The following TRMT9B variants were observed in gnomAD, a reference collection of about 807,000 sequenced individuals.
The protein encoded by TRMT9B is tRNA methyltransferase 9B (putative), also known as probable tRNA methyltransferase 9B.
A neutral mutation model predicts 11.5 loss-of-function variants in TRMT9B; 16 were observed. That is an observed-to-expected ratio of 1.39 (90% CI 0.94 to 2.11). The LOEUF is 2.11. Among genes scored for constraint, TRMT9B ranks in the 30% most tolerant of loss-of-function variants. The probability of loss-of-function intolerance (pLI) is 0.00; values close to 1 mark genes in which losing one functional copy is unlikely to be tolerated. For missense variants in TRMT9B, 941 were observed against 553.8 expected (o/e 1.70, Z -7.02); for synonymous variants, 274 against 192.4 (o/e 1.42, Z -3.51).
chr8:12,973,172 C>T (rs533136268), intron 1 of TRMT9B, among the ~76,000 whole-genome samples: 1 of 152,276 alleles, frequency 6.6e-6, no homozygotes, highest in East Asian at 1.9e-4. Flanking sequence ...AATTGCATTG[C>T]TTTTTAAGGC....
chr8:12,978,686 C>G (rs1298063643), intron 1 of TRMT9B, among the ~76,000 whole-genome samples: 1 of 152,178 alleles, frequency 6.6e-6, no homozygotes, highest in Admixed American at 6.5e-5. Context: ...GGCCTACTTG[C>G]TACACCTTAG....
At chr8:12,999,967 T>G (rs113516606) in intron 2 of TRMT9B, among the ~76,000 whole-genome samples, 21 of 152,358 alleles carry the variant, frequency 1.4e-4, no homozygotes, top group African/African-American at 4.6e-4. Context: ...GGTAACAAGT[T>G]GTCATCTAAT....
chr8:13,013,908 C>T (rs1044210402), intron 4 of TRMT9B, among the ~76,000 whole-genome samples: 1 of 151,986 alleles, frequency 6.6e-6, no homozygotes, highest in East Asian at 1.9e-4. Context: ...GAGATCACAC[C>T]ACTGCACTCC....
At chr8:12,979,663 C>A (rs1563350167) in intron 1 of TRMT9B, among the ~76,000 whole-genome samples, 1 of 152,136 alleles carries the variant, frequency 6.6e-6, no homozygotes, top group Non-Finnish European at 1.5e-5. Context: ...AGTTAATGAG[C>A]TTTCTGCTAC....
chr8:12,959,477 T>TTCCTC (rs56720994), intron 1 of TRMT9B, among the ~76,000 whole-genome samples: 4 of 142,220 alleles, frequency 2.8e-5, no homozygotes, highest in African/African-American at 7.8e-5. Context: ...CATTTGTATT[T>TTCCTC]TCCTCTCCTC....
chr8:13,025,791 C>T lies in TRMT9B; in HGVS notation c.*3747C>T, dbSNP rs1317405691. The T allele has an allele frequency of 6.0e-6, 1 of 166,874 alleles. No homozygotes were observed. The highest frequency in any genetic ancestry group is 1.5e-5 in the Non-Finnish European group (1 of 68,120). 10.3% of individuals were successfully genotyped at this position (166,874 alleles called of 1,614,324 possible). Reference sequence around the variant, plus strand: ...GTTCTCTTTTCTCATCATAGATCTCCGTGCAGAATAGTGCTAATTCTTATT... The same window carrying T: ...GTTCTCTTTTCTCATCATAGATCTCTGTGCAGAATAGTGCTAATTCTTATT... On this transcript the variant is annotated 3_prime_UTR_variant, in exon 5 of 5. Transcript: ENST00000524591.
At chr8:12,969,654 C>CTT (rs1803311081) in intron 1 of TRMT9B, among the ~76,000 whole-genome samples, 1 of 151,092 alleles carries the variant, frequency 6.6e-6, no homozygotes, top group African/African-American at 2.4e-5. Context: ...TAAAAATTCT[C>CTT]TTTTTATTGT....
Position 13,029,330 on chromosome 8 carries a change from G to A in TRMT9B, c.*7286G>A, listed in dbSNP as rs1181099969. 1 of 166,992 alleles carries A rather than the reference G, an allele frequency of 6.0e-6. No individual in the cohort carries two copies. Among genetic ancestry groups the A allele is most frequent in the South Asian group, 2.1e-4 (1 of 4,826 alleles). The allele number at this position is 166,992 out of a possible 1,614,324, so 10.3% of individuals were successfully genotyped here. On this transcript the variant is annotated 3_prime_UTR_variant, in exon 5 of 5. Transcript: ENST00000524591. ...ACAGTTATTTTGACTTTTCCCAGGG[G>A]AAGCTAGCAATAGTTTTAAAAGCAC...
chr8:12,951,762 CG>C (rs1031105447), intron 1 of TRMT9B: 7 of 151,916 alleles, frequency 4.6e-5, no homozygotes, highest in Admixed American at 1.3e-4. Context: ...ACGGCTGTCG[CG>C]GGGCCAGCCC....
Position 13,022,107 on chromosome 8 carries a change from G to T in TRMT9B, c.*63G>T. On this transcript the variant is annotated 3_prime_UTR_variant, in exon 5 of 5. Transcript: ENST00000524591. ...ACATTCTTTCCTCTTGGTTTGATAT[G>T]GTTACCTGAATTTGCATTCAGTGTT... 8.3e-7 allele frequency: 1 copy of T among 1,205,710 alleles called. No homozygotes were observed. Among genetic ancestry groups the T allele is most frequent in the Non-Finnish European group, 1.2e-6 (1 of 867,642 alleles). 74.7% of individuals were successfully genotyped at this position (1,205,710 alleles called of 1,614,324 possible).
At chr8:13,018,849 A>G (rs1036490337) in intron 4 of TRMT9B, among the ~76,000 whole-genome samples, 4 of 152,232 alleles carry the variant, frequency 2.6e-5, no homozygotes, top group Non-Finnish European at 4.4e-5. Context: ...GAAACACTAA[A>G]TAATACCTCA....
chr8:12,989,351 G>T (rs373768099), intron 1 of TRMT9B, among the ~76,000 whole-genome samples: 1 of 152,170 alleles, frequency 6.6e-6, no homozygotes, highest in Non-Finnish European at 1.5e-5. Context: ...TAACTTCTTG[G>T]AGAAGGTGAT....
Position 13,006,185 on chromosome 8 carries a change from G to C in TRMT9B, c.-1-17G>C. On this transcript the variant is annotated splice_polypyrimidine_tract_variant and intron_variant, in intron 2 of 4. Transcript: ENST00000524591. The stretch of plus-strand genomic sequence containing the variant: ...TAGGCTGACCTGCATGCCTTGGGTT[G>C]GTCCTGTTTTCTCCAGGATGGATCA... The C allele has an allele frequency of 6.2e-7, 1 of 1,612,660 alleles. No homozygotes were observed. Among genetic ancestry groups the C allele is most frequent in the Non-Finnish European group, 8.5e-7 (1 of 1,178,984 alleles).
intron 1 of TRMT9B, among the ~76,000 whole-genome samples, chr8:12,980,497 C>G (rs1313118867): frequency 6.6e-6 from 1 of 152,118 alleles, no homozygotes; most frequent in Non-Finnish European, 1.5e-5. Flanking sequence ...GGGGAGTGGG[C>G]AAAGCTCCCT....
At chr8:12,959,682 GC>G (rs1801822830) in intron 1 of TRMT9B, among the ~76,000 whole-genome samples, 1 of 151,734 alleles carries the variant, frequency 6.6e-6, no homozygotes, top group African/African-American at 2.4e-5. Flanking sequence ...ACTACACCTA[GC>G]TAACTTTGTT....
chr8:12,970,730 A>T (rs1563332674), intron 1 of TRMT9B, among the ~76,000 whole-genome samples: 1 of 152,216 alleles, frequency 6.6e-6, no homozygotes, highest in Non-Finnish European at 1.5e-5. Context: ...TTGGAAGTGG[A>T]ATTAGGAATT....
rs33972121 is a variant in TRMT9B at position 12,975,735 on chromosome 8, CAAAAATAAAAATAAAAAT to C, written c.-199-15083_-199-15066del. Among the ~76,000 whole-genome samples the C allele has an allele frequency of 2.0e-5, 3 of 149,098 alleles. No individual in the cohort carries two copies. In the South Asian group the frequency reaches 6.5e-4, roughly 32 times the overall value. On this transcript the variant is annotated intron_variant, in intron 1 of 4. Transcript: ENST00000524591. ...TGTGGGCGACAGAGCAAGACTGTCTCAAAAATAAAAATAAAAATAAAAATAAAAATAAATAAATTGATG... is the reference window on the plus strand; with the variant it reads ...TGTGGGCGACAGAGCAAGACTGTCTCAAAAATAAAAATAAATAAATTGATG...
chr8:13,015,954 T>C (rs1003186612), intron 4 of TRMT9B, among the ~76,000 whole-genome samples: 4 of 151,808 alleles, frequency 2.6e-5, no homozygotes, highest in Non-Finnish European at 5.9e-5. Flanking sequence ...TTTAGGACTA[T>C]ATTATGGTAG....
chr8:12,973,638 A>C lies in TRMT9B; in HGVS notation c.-199-17196A>C, dbSNP rs549481780. 2.0e-5 allele frequency among the ~76,000 whole-genome samples: 3 copies of C among 151,406 alleles called. No individual in the cohort carries two copies. In the East Asian group the frequency reaches 5.8e-4, roughly 29 times the overall value. On this transcript the variant is annotated intron_variant, in intron 1 of 4. Coordinates refer to ENST00000524591, the MANE Select transcript of TRMT9B (RefSeq NM_020844.3). ...GAGGTGAAGAGATGGCGGGTGAAAC[A>C]TGTTGGAGGTGTAGGGGTGGATGAC... is the stretch of plus-strand genomic sequence containing the variant.
Sources: allele counts gnomAD v4.1 joint callset (sites outside exome capture counted in the v4.1 genomes callset), GRCh38; gene constraint gnomAD v4.1.1; transcripts MANE v1.5; gene names NCBI Gene and HGNC (gene_info 2026-07-23, HGNC 2026-07-21).